NLRC5: variants seen among roughly 807,000 people sequenced by gnomAD.
NLRC5 encodes protein NLRC5.
NLRC5 carries 114 observed loss-of-function variants against 206.9 expected under a neutral mutation model. That is an observed-to-expected ratio of 0.55 (90% CI 0.47 to 0.64). The LOEUF is 0.64. Ranked by LOEUF, NLRC5 falls within the 30% of genes least tolerant of loss-of-function variation. NLRC5 has a pLI of 0.00. For missense variants in NLRC5, 2,008 were observed against 2,305.5 expected (o/e 0.87, Z 2.64); for synonymous variants, 952 against 962.8 (o/e 0.99, Z 0.21).
In NLRC5 at chr16:57,077,884, G is replaced by A. The variant is rs199476015; in HGVS notation, c.5004-59G>A. 14 of 1,606,186 alleles carry A rather than the reference G, an allele frequency of 8.7e-6. No individual in the cohort carries two copies. The African/African-American group carries it at 1.5e-4, about 17-fold the overall frequency. ...CCTCTCCCGCAGTGGGCACAGGGCA[G>A]GGCGGGGGTCCCGAGTGGGCAGGCC... is the stretch of plus-strand genomic sequence containing the variant. On this transcript the variant is annotated intron_variant, in intron 42 of 48. Coordinates refer to ENST00000688547, the MANE Select transcript of NLRC5 (RefSeq NM_001384950.1).
At position 57,031,322 on chromosome 16, in the gene NLRC5, G is replaced by A; in HGVS notation, c.2418-82G>A. ...CTTTATCTGGATGTTTGAACATTTGGGGCAGAAAAGGGTGTGCCTGTGGTG... is the reference window on the plus strand; with the variant it reads ...CTTTATCTGGATGTTTGAACATTTGAGGCAGAAAAGGGTGTGCCTGTGGTG... On this transcript the variant is annotated intron_variant, in intron 10 of 48. Transcript: ENST00000688547. The A allele has an allele frequency of 2.1e-6, 3 of 1,418,192 alleles. No homozygotes were observed. In the South Asian group the frequency reaches 3.4e-5, roughly 16 times the overall value. The allele number at this position is 1,418,192 out of a possible 1,614,324, so 87.9% of individuals were successfully genotyped here.
At chr16:57,081,398 G>T in intron 47 of NLRC5, 129 bp from the exon 48 acceptor site, 1 of 981,294 alleles carries the variant, frequency 1.0e-6, no homozygotes, top group Non-Finnish European at 1.6e-6. Flanking sequence ...TGTCTTTTGG[G>T]TTCCCTGAGA....
chr16:57,046,617 A>G lies in NLRC5; in HGVS notation c.3314A>G (p.Gln1105Arg). The G allele has an allele frequency of 6.2e-7, 1 of 1,614,042 alleles. No individual in the cohort carries two copies. ...GCAGCCAAGTTCTTAGGGTTCCGTC[A>G]GCGCTGCATCCCCAGGAGCCTCTGG... is the stretch of plus-strand genomic sequence containing the variant. ...PAAAKFLGFR[Q>R]RCIPRSLCLS... The change falls in exon 22 of 49, where the codon CAG becomes CGG. Residue 1105 changes from glutamine (Q) to arginine (R), a missense_variant. Gln to Arg is a conservative substitution (Grantham distance 43, BLOSUM62 1). Coordinates refer to ENST00000688547, the MANE Select transcript of NLRC5 (RefSeq NM_001384950.1).
chr16:57,045,984 A>G (rs904825990), intron 21 of NLRC5, among the ~76,000 whole-genome samples: 17 of 152,248 alleles, frequency 1.1e-4, no homozygotes, highest in African/African-American at 3.6e-4. Flanking sequence ...TAGTGGGACC[A>G]GGCCTCTTGG....
intron 33 of NLRC5, among the ~76,000 whole-genome samples, chr16:57,065,604 C>T (rs2066996097): frequency 1.3e-5 from 2 of 152,204 alleles, no homozygotes; most frequent in South Asian, 2.1e-4. Context: ...GATGCAGTAA[C>T]ACACATTATG....
chr16:57,059,099 T>C (rs1342558005), intron 29 of NLRC5, 38 bp downstream of exon 29: 3 of 1,613,052 alleles, frequency 1.9e-6, no homozygotes, highest in Non-Finnish European at 2.5e-6. Context: ...CCCTTTCTGC[T>C]GGCCAACAGG....
At chr16:57,074,552 A>G (rs754168499) in intron 38 of NLRC5, 48 bp from the exon 39 acceptor site, 7 of 1,560,352 alleles carry the variant, frequency 4.5e-6, no homozygotes, top group South Asian at 3.3e-5. Flanking sequence ...CAGACTGGAC[A>G]GTGCCCCACC....
chr16:57,018,452 G>A (rs2060313733), intron 2 of NLRC5, among the ~76,000 whole-genome samples: 1 of 152,234 alleles, frequency 6.6e-6, no homozygotes, highest in Non-Finnish European at 1.5e-5. Flanking sequence ...ATCCCTGCCT[G>A]AGGATCATGG....
chr16:56,990,976 G>A (rs1324947228), intron 1 of NLRC5: 1 of 152,192 alleles, frequency 6.6e-6, no homozygotes, highest in Non-Finnish European at 1.5e-5. Context: ...ACGGCAGACA[G>A]ACTGGGGCTC....
chr16:57,060,076 G>A (rs886698953), intron 30 of NLRC5, among the ~76,000 whole-genome samples: 1 of 149,666 alleles, frequency 6.7e-6, no homozygotes, highest in Non-Finnish European at 1.5e-5. Context: ...ATTACCCCTG[G>A]TAGCCCTGAC....
At position 57,061,498 on chromosome 16, in the gene NLRC5, G is replaced by T; in HGVS notation, c.4037G>T (p.Gly1346Val). Residue 1346 changes from glycine to valine, a missense_variant, in exon 31 of 49, where the codon GGC becomes GTC. Gly to Val is a moderately radical substitution (Grantham distance 109). Coordinates refer to ENST00000688547, the MANE Select transcript of NLRC5 (RefSeq NM_001384950.1). ...RPEHVSRLAT[G>V]LSKSLQLTEL... Reference sequence around the variant, plus strand: ...GAGCACGTGTCCAGGCTGGCCACCGGCTTGAGCAAGTCCCTGCAGCTGACG... The same window carrying T: ...GAGCACGTGTCCAGGCTGGCCACCGTCTTGAGCAAGTCCCTGCAGCTGACG... The T allele has an allele frequency of 6.2e-7, 1 of 1,610,808 alleles. No homozygotes were observed.
rs148559318 is a variant in NLRC5, at chr16:57,036,135, G to A, written c.2663G>A (p.Arg888Gln). 6 of 1,613,472 alleles carry A rather than the reference G, an allele frequency of 3.7e-6. No individual in the cohort carries two copies. The highest frequency in any genetic ancestry group is 1.1e-5 in the South Asian group (1 of 91,080). Residue 888 changes from arginine (R) to glutamine (Q), a missense_variant, in exon 14 of 49, where the codon CGG becomes CAG. Physicochemically the swap from Arg to Gln is conservative, Grantham distance 43 (BLOSUM62 1). Transcript: ENST00000688547. ...AACCAGCTGGAAGATGAAGGCTGTC[G>A]GCTGATGGCAGAGGCTGCATCCCAG... Reference protein sequence around the residue: ...SGNQLEDEGCRLMAEAASQLH... With the variant: ...SGNQLEDEGCQLMAEAASQLH...
chr16:57,024,093 C>A (rs2060990565), intron 5 of NLRC5, among the ~76,000 whole-genome samples: 1 of 152,248 alleles, frequency 6.6e-6, no homozygotes. Flanking sequence ...GAGGGCTCCG[C>A]TGAAGGAGCT....
intron 1 of NLRC5, chr16:57,013,897 T>C: frequency 1.8e-6 from 1 of 557,178 alleles, no homozygotes; most frequent in Non-Finnish European, 3.3e-6. Context: ...CATATGCAGA[T>C]TCTACAAAAT....
Position 56,997,532 on chromosome 16 carries a change from C to A in NLRC5, c.-128+7915C>A, listed in dbSNP as rs1488938246. Among the ~76,000 whole-genome samples, 2 of 152,140 alleles carry A rather than the reference C, an allele frequency of 1.3e-5. 1 individual carries two copies. Among genetic ancestry groups the A allele is most frequent in the Non-Finnish European group, 2.9e-5 (2 of 68,028 alleles). On this transcript the variant is annotated intron_variant, in intron 1 of 48. Transcript: ENST00000688547. ...TAAAATGTTGAAATCAGGATTTAAA[C>A]CCAGCCCTCCTGACCCCAGAGGATC...
intron 1 of NLRC5, among the ~76,000 whole-genome samples, chr16:57,011,913 A>G (rs2059551258): frequency 6.6e-6 from 1 of 152,232 alleles, no homozygotes; most frequent in Non-Finnish European, 1.5e-5. Flanking sequence ...TAATTTACAT[A>G]CCGTAAAATC....
chr16:57,062,111 T>A, intron 32 of NLRC5: 1 of 1,098,424 alleles, frequency 9.1e-7, no homozygotes, highest in Non-Finnish European at 1.2e-6. Flanking sequence ...GGTTTGACAG[T>A]TGTTCATACT....
intron 11 of NLRC5, among the ~76,000 whole-genome samples, chr16:57,032,738 G>A (rs1262563906): frequency 1.3e-5 from 2 of 150,588 alleles, no homozygotes; most frequent in African/African-American, 4.9e-5. Context: ...GCTCATGTCT[G>A]TAACCCCAGC....
At position 57,023,868 on chromosome 16, in the gene NLRC5, G is replaced by A. The variant is rs766089363; in HGVS notation, c.424+15G>A. ...GCAGCAGCTAGGTGGGTACCAGTGT[G>A]GGGAGGAACATAAACAGAGAGATGG... On this transcript the variant is annotated intron_variant, in intron 5 of 48. Transcript: ENST00000688547. The A allele has an allele frequency of 3.1e-6, 5 of 1,602,662 alleles. No individual in the cohort carries two copies. Among genetic ancestry groups the A allele is most frequent in the Non-Finnish European group, 3.4e-6 (4 of 1,173,888 alleles).
Sources: allele counts gnomAD v4.1 joint callset (sites outside exome capture counted in the v4.1 genomes callset), GRCh38; gene constraint gnomAD v4.1.1; transcripts MANE v1.5; gene names NCBI Gene and HGNC (gene_info 2026-07-23, HGNC 2026-07-21).